DLGAP2: variants seen among roughly 807,000 people sequenced by gnomAD.
DLGAP2 encodes the protein disks large-associated protein 2.
Under a neutral mutation model 100.3 loss-of-function variants are expected in DLGAP2, and 26 were observed. That is an observed-to-expected ratio of 0.26 (90% CI 0.19 to 0.36). DLGAP2 has a LOEUF of 0.36. Ranked by LOEUF, DLGAP2 falls within the 10% of genes least tolerant of loss-of-function variation. The probability of loss-of-function intolerance (pLI) is 1.00; values close to 1 mark genes in which losing one functional copy is unlikely to be tolerated. For missense variants in DLGAP2, 1,858 were observed against 1,453.2 expected, an observed-to-expected ratio of 1.28 and a Z score of -4.53; for synonymous variants, 886 against 630.1, an observed-to-expected ratio of 1.41 and a Z score of -6.08.
intron 2 of DLGAP2, among the ~76,000 whole-genome samples, chr8:1,131,503 C>T (rs189550882): frequency 6.6e-6 from 1 of 152,262 alleles, no homozygotes; most frequent in Non-Finnish European, 1.5e-5. Context: ...TCTCCACCAC[C>T]CACATAACCT....
chr8:1,023,857 A>ATG (rs149206104), intron 2 of DLGAP2, among the ~76,000 whole-genome samples: 3,582 of 128,882 alleles, frequency 0.028, 72 homozygotes, highest in East Asian at 0.093. Context: ...AACTTTATAT[A>ATG]TGTGTGTGTG....
At chr8:1,323,309 C>A (rs1447221722) in intron 3 of DLGAP2, among the ~76,000 whole-genome samples, 1 of 152,184 alleles carries the variant, frequency 6.6e-6, no homozygotes, top group African/African-American at 2.4e-5. Context: ...GGATTACAGG[C>A]ATGAGCCACT....
intron 4 of DLGAP2, among the ~76,000 whole-genome samples, chr8:1,515,945 G>C (rs1354312253): frequency 6.6e-6 from 1 of 152,214 alleles, no homozygotes; most frequent in Non-Finnish European, 1.5e-5. Flanking sequence ...ATGAGTGCAG[G>C]AGGGAATGAT....
chr8:1,303,241 C>A (rs979100800), intron 3 of DLGAP2, among the ~76,000 whole-genome samples: 20 of 151,976 alleles, frequency 1.3e-4, no homozygotes, highest in Admixed American at 1.3e-3. Context: ...ACTAAAAATA[C>A]AAAAAACTAG....
intron 2 of DLGAP2, among the ~76,000 whole-genome samples, chr8:1,139,611 G>A (rs540960221): frequency 2.0e-5 from 3 of 152,164 alleles, no homozygotes; most frequent in African/African-American, 7.2e-5. Context: ...CATTCAGTCC[G>A]TGGCAAGTAG....
At chr8:1,528,272 A>C (rs761511632) in intron 4 of DLGAP2, among the ~76,000 whole-genome samples, 7 of 152,350 alleles carry the variant, frequency 4.6e-5, no homozygotes, top group African/African-American at 1.7e-4. Flanking sequence ...AGCCCACCCC[A>C]GGCAGGAGGA....
chr8:1,424,457 T>C (rs1317523222), intron 3 of DLGAP2, among the ~76,000 whole-genome samples: 1 of 152,244 alleles, frequency 6.6e-6, no homozygotes, highest in African/African-American at 2.4e-5. Context: ...TGTTCAATTG[T>C]GTATAGCTGC....
chr8:1,095,800 T>C (rs1045901767), intron 2 of DLGAP2, among the ~76,000 whole-genome samples: 6 of 152,140 alleles, frequency 3.9e-5, no homozygotes, highest in Admixed American at 2.0e-4. Flanking sequence ...GCAAAGTAAA[T>C]AGGTAATAAA....
chr8:1,435,522 G>C (rs1405350027), intron 3 of DLGAP2, among the ~76,000 whole-genome samples: 1 of 152,180 alleles, frequency 6.6e-6, no homozygotes, highest in African/African-American at 2.4e-5. Flanking sequence ...CCGTACGGAA[G>C]TGTAGCCGTA....
chr8:1,178,679 G>T (rs1797313192), intron 2 of DLGAP2, among the ~76,000 whole-genome samples: 1 of 152,094 alleles, frequency 6.6e-6, no homozygotes, highest in Non-Finnish European at 1.5e-5. Flanking sequence ...ATGGATTTTG[G>T]GAAGTGCACA....
At chr8:1,487,386 G>C (rs1182034496) in intron 3 of DLGAP2, among the ~76,000 whole-genome samples, 2 of 152,176 alleles carry the variant, frequency 1.3e-5, no homozygotes, top group Non-Finnish European at 2.9e-5. Context: ...CCACAAATCA[G>C]ATTTTTGAAG....
chr8:1,573,715 C>T (rs1022067071), intron 6 of DLGAP2, among the ~76,000 whole-genome samples: 8 of 152,096 alleles, frequency 5.3e-5, no homozygotes, highest in South Asian at 2.1e-4. Context: ...CTGCCAAGGG[C>T]CTTTTTTGTG....
chr8:1,459,776 C>T (rs1798422597), intron 3 of DLGAP2, among the ~76,000 whole-genome samples: 1 of 150,614 alleles, frequency 6.6e-6, no homozygotes, highest in South Asian at 2.1e-4. Flanking sequence ...ACCTCTGCCT[C>T]CCAGGTTCAA....
intron 3 of DLGAP2, among the ~76,000 whole-genome samples, chr8:1,438,452 C>T (rs1421806655): frequency 2.0e-5 from 3 of 151,992 alleles, no homozygotes; most frequent in African/African-American, 7.3e-5. Context: ...TTTAACTTAA[C>T]AGTAACAAGG....
At chr8:1,080,459 A>G (rs911834614) in intron 2 of DLGAP2, among the ~76,000 whole-genome samples, 1 of 152,200 alleles carries the variant, frequency 6.6e-6, no homozygotes, top group African/African-American at 2.4e-5. Flanking sequence ...CACACGTCTG[A>G]AGTGGGGCGG....
intron 2 of DLGAP2, among the ~76,000 whole-genome samples, chr8:1,187,820 C>T (rs1797544394): frequency 7.8e-6 from 1 of 127,456 alleles, no homozygotes; most frequent in African/African-American, 4.0e-5. Context: ...ACGCCCGGGA[C>T]TTCCGTGATG....
intron 2 of DLGAP2, among the ~76,000 whole-genome samples, chr8:1,155,282 C>T (rs1006443539): frequency 3.3e-5 from 5 of 152,140 alleles, no homozygotes. Context: ...CTCCGTCTTC[C>T]CGGAGGGAGT....
At chr8:1,529,529 A>G (rs563441732) in intron 4 of DLGAP2, among the ~76,000 whole-genome samples, 1 of 152,352 alleles carries the variant, frequency 6.6e-6, no homozygotes, top group African/African-American at 2.4e-5. Flanking sequence ...ATTCATGTTT[A>G]TAGAAAGCAC....
At chr8:1,420,344 C>G (rs1281495237) in intron 3 of DLGAP2, among the ~76,000 whole-genome samples, 1 of 152,152 alleles carries the variant, frequency 6.6e-6, no homozygotes, top group Non-Finnish European at 1.5e-5. Flanking sequence ...AGAAGTCGCT[C>G]TATCACAACA....
Sources: gnomAD v4.1 joint callset for allele counts (sites outside exome capture counted in the v4.1 genomes callset) on GRCh38, gnomAD v4.1.1 for gene constraint, MANE v1.5 for transcripts, NCBI Gene and HGNC (gene_info 2026-07-23, HGNC 2026-07-21) for gene names.